The following RSAD2 variants were observed in gnomAD, a reference collection of about 807,000 sequenced individuals.
RSAD2 encodes the protein S-adenosylmethionine-dependent nucleotide dehydratase RSAD2.
Under a neutral mutation model 37.7 loss-of-function variants are expected in RSAD2, and 38 were observed. The ratio of observed to expected loss-of-function variants is 1.01; its 90% CI spans 0.78 to 1.32. RSAD2 has a LOEUF of 1.32. Among genes scored for constraint, RSAD2 ranks in the 40% most tolerant of loss-of-function variants. RSAD2 has a pLI of 0.00. For synonymous variants in RSAD2, 163 were observed against 157.4 expected (o/e 1.04, Z -0.27); for missense variants, 428 against 437.5 (o/e 0.98, Z 0.19).
upstream of RSAD2, among the ~76,000 whole-genome samples, chr2:6,873,801 G>A (rs778520533): frequency 5.9e-5 from 9 of 152,116 alleles, no homozygotes; most frequent in Admixed American, 2.0e-4. Flanking sequence ...AGGCTTATTT[G>A]GCAAATCATA....
chr2:6,889,831 T>A (rs916370580), intron 3 of RSAD2, among the ~76,000 whole-genome samples: 22 of 152,382 alleles, frequency 1.4e-4, no homozygotes, highest in African/African-American at 5.0e-4. Flanking sequence ...AATGTGTTTT[T>A]CTGGGTTATG....
intron 2 of RSAD2, among the ~76,000 whole-genome samples, chr2:6,884,592 G>A (rs1169333701): frequency 6.6e-6 from 1 of 152,206 alleles, no homozygotes; most frequent in Admixed American, 6.5e-5. Context: ...TGTCCTCATG[G>A]TGTGCAGAGT....
At chr2:6,893,541 A>G (rs922485766) in intron 4 of RSAD2, 130 bp from the exon 5 acceptor site, 2 of 749,886 alleles carry the variant, frequency 2.7e-6, no homozygotes, top group African/African-American at 3.5e-5. Flanking sequence ...GGCCATGCCA[A>G]AGGCAACTCA....
chr2:6,878,995 G>A (rs1485667263), intron 1 of RSAD2: 4 of 499,314 alleles, frequency 8.0e-6, no homozygotes, highest in East Asian at 6.9e-5. Context: ...CAGAGAGAAA[G>A]CATCACCAGC....
chr2:6,885,454 C>T (rs1332167540), intron 2 of RSAD2, among the ~76,000 whole-genome samples: 1 of 152,134 alleles, frequency 6.6e-6, no homozygotes, highest in Non-Finnish European at 1.5e-5. Flanking sequence ...TCAACATGCC[C>T]CATTGCTCCA....
chr2:6,881,154 C>G (rs1295253158), intron 1 of RSAD2, among the ~76,000 whole-genome samples: 1 of 152,188 alleles, frequency 6.6e-6, no homozygotes, highest in African/African-American at 2.4e-5. Context: ...CTTACTTTCT[C>G]CAGTTTATCT....
Position 6,883,386 on chromosome 2 carries a change from A to C in RSAD2, c.362A>C (p.Asn121Thr), listed in dbSNP as rs368391719. The C allele has an allele frequency of 6.2e-7, 1 of 1,614,222 alleles. No homozygotes were observed. The highest frequency in any genetic ancestry group is 2.2e-5 in the East Asian group (1 of 44,890). Reference protein sequence around the residue: ...LLKEAGMEKINFSGGEPFLQD... With the variant: ...LLKEAGMEKITFSGGEPFLQD... The stretch of plus-strand genomic sequence containing the variant: ...CCTTGCACAGGTATGGAGAAGATCA[A>C]CTTTTCAGGTGGAGAGCCATTTCTT... Residue 121 changes from asparagine to threonine, a missense_variant, in exon 2 of 6, where the codon AAC becomes ACC. Asn to Thr is a moderately conservative substitution (Grantham distance 65). Coordinates refer to ENST00000382040, the MANE Select transcript of RSAD2 (RefSeq NM_080657.5).
upstream of RSAD2, among the ~76,000 whole-genome samples, chr2:6,873,001 G>T (rs564367376): frequency 6.6e-6 from 1 of 152,176 alleles, no homozygotes; most frequent in African/African-American, 2.4e-5. Flanking sequence ...TAATTTTCCT[G>T]TTTTCAGGTT....
Position 6,896,072 on chromosome 2 carries a change from T to C in RSAD2, c.*130T>C. Reference sequence around the variant, plus strand: ...CTGATTTTCTGCTGCACGTGGCATCTGATTACCTGTGGTCACTGAACACAC... The same window carrying C: ...CTGATTTTCTGCTGCACGTGGCATCCGATTACCTGTGGTCACTGAACACAC... On this transcript the variant is annotated 3_prime_UTR_variant, in exon 6 of 6. Transcript: ENST00000382040. 1.3e-6 allele frequency: 1 copy of C among 780,088 alleles called. No homozygotes were observed. The highest frequency in any genetic ancestry group is 2.0e-6 in the Non-Finnish European group (1 of 497,534). The allele number at this position is 780,088 out of a possible 1,614,324, so 48.3% of individuals were successfully genotyped here.
At chr2:6,873,756 A>C (rs1305484346), upstream of RSAD2, among the ~76,000 whole-genome samples, 1 of 152,198 alleles carries the variant, frequency 6.6e-6, no homozygotes, top group Non-Finnish European at 1.5e-5. Context: ...ACCCTAAATT[A>C]AGCCTTTTTG....
upstream of RSAD2, among the ~76,000 whole-genome samples, chr2:6,876,124 G>C (rs1381486686): frequency 6.6e-6 from 1 of 152,150 alleles, no homozygotes; most frequent in Non-Finnish European, 1.5e-5. Flanking sequence ...CAGGCAGGTT[G>C]AATTTGAAAC....
chr2:6,895,367 G>A (rs761307307), intron 5 of RSAD2, among the ~76,000 whole-genome samples: 66 of 152,214 alleles, frequency 4.3e-4, no homozygotes, highest in Non-Finnish European at 8.8e-4. Context: ...CAGAAACACC[G>A]TCTACCTCCA....
chr2:6,894,539 T>C (rs193111868), intron 5 of RSAD2, among the ~76,000 whole-genome samples: 2 of 152,320 alleles, frequency 1.3e-5, no homozygotes, highest in Admixed American at 6.5e-5. Flanking sequence ...CAATCTTGGC[T>C]CACTGCAGCC....
intron 3 of RSAD2, among the ~76,000 whole-genome samples, chr2:6,889,119 A>G (rs894353175): frequency 6.6e-6 from 1 of 152,172 alleles, no homozygotes; most frequent in African/African-American, 2.4e-5. Context: ...TCTGGAGTCA[A>G]AGTCCCTGGA....
chr2:6,869,208 A>G (rs1224800752), intron 1 of RSAD2, among the ~76,000 whole-genome samples: 2 of 152,158 alleles, frequency 1.3e-5, no homozygotes, highest in South Asian at 2.1e-4. Flanking sequence ...CCCTCTCCAG[A>G]CTGCTTGACT....
rs1663183543 is a variant in RSAD2, at chr2:6,870,462, G to A, written c.142+4417G>A. 2.6e-5 allele frequency among the ~76,000 whole-genome samples: 4 copies of A among 152,206 alleles called. No individual in the cohort carries two copies. The South Asian group carries it at 6.2e-4, about 24-fold the overall frequency. On this transcript the variant is annotated intron_variant, in intron 1 of 5. Coordinates refer to the RSAD2 transcript ENST00000442639. ...CCATGAGGTGGGGGTAATGAGGGTC[G>A]AGAGGTCCTCTGGTAAGTCTTCCCG...
Position 6,883,369 on chromosome 2 carries a change from A to C in RSAD2, c.347-2A>C. On this transcript the variant is annotated splice_acceptor_variant, in intron 1 of 5. Transcript: ENST00000382040. LOFTEE classifies it high-confidence loss of function. ...GTAAAATTCATGTATCACCTTGCACAGGTATGGAGAAGATCAACTTTTCAG... is the reference window on the plus strand; with the variant it reads ...GTAAAATTCATGTATCACCTTGCACCGGTATGGAGAAGATCAACTTTTCAG... 1 of 1,614,012 alleles carries C rather than the reference A, an allele frequency of 6.2e-7. No homozygotes were observed. Among genetic ancestry groups the C allele is most frequent in the Non-Finnish European group, 8.5e-7 (1 of 1,179,928 alleles).
chr2:6,895,216 A>G (rs1488232746), intron 5 of RSAD2, among the ~76,000 whole-genome samples: 1 of 152,224 alleles, frequency 6.6e-6, no homozygotes, highest in Non-Finnish European at 1.5e-5. Context: ...GGCACCTGCC[A>G]TGGAAGACTC....
intron 3 of RSAD2, 144 bp downstream of exon 3, chr2:6,887,308 G>C (rs932977584): frequency 1.6e-6 from 1 of 618,880 alleles, no homozygotes; most frequent in Non-Finnish European, 2.9e-6. Context: ...TGGTCTTTCA[G>C]CTCTGTTAGA....
Sources: allele counts gnomAD v4.1 joint callset (sites outside exome capture counted in the v4.1 genomes callset), GRCh38; gene constraint gnomAD v4.1.1; transcripts MANE v1.5; gene names NCBI Gene and HGNC (gene_info 2026-07-23, HGNC 2026-07-21).